Variants in ATP13A4 observed in about 807,000 individuals in gnomAD.
ATP13A4 encodes probable cation-transporting ATPase 13A4.
ATP13A4 carries 114 observed loss-of-function variants against 142.5 expected under a neutral mutation model. That is an observed-to-expected ratio of 0.80 (90% CI 0.69 to 0.93). The LOEUF (loss-of-function observed/expected upper bound fraction) is 0.93. Ranked by LOEUF, ATP13A4 falls within the 40% of genes least tolerant of loss-of-function variation. The probability of loss-of-function intolerance (pLI) is 0.00; values close to 1 mark genes in which losing one functional copy is unlikely to be tolerated. For synonymous variants in ATP13A4, 488 were observed against 514.8 expected (o/e 0.95, Z 0.70); for missense variants, 1,392 against 1,454.0 (o/e 0.96, Z 0.69).
intron 7 of ATP13A4, among the ~76,000 whole-genome samples, chr3:193,489,480 G>A (rs1345548771): frequency 6.6e-6 from 1 of 152,118 alleles, no homozygotes; most frequent in South Asian, 2.1e-4. Context: ...TTTGGATGTT[G>A]TTCTGGCTAA....
intron 21 of ATP13A4, 90 bp from the exon 22 acceptor site, chr3:193,439,155 G>A (rs2108621211): frequency 1.5e-6 from 2 of 1,325,010 alleles, no homozygotes. Context: ...TCATTACTTA[G>A]GGTTCAAACT....
chr3:193,516,656 A>G (rs896991908), intron 1 of ATP13A4, among the ~76,000 whole-genome samples: 1 of 152,194 alleles, frequency 6.6e-6, no homozygotes, highest in Non-Finnish European at 1.5e-5. Context: ...CTTCCGACTC[A>G]GCCATTTTTT....
chr3:193,500,558 A>T (rs906160718), intron 3 of ATP13A4, among the ~76,000 whole-genome samples: 1 of 152,102 alleles, frequency 6.6e-6, no homozygotes, highest in Non-Finnish European at 1.5e-5. Flanking sequence ...CGTAACCTAG[A>T]TCCCTCACAT....
rs555551734 is a variant in ATP13A4 at position 193,436,964 on chromosome 3, C to T, written c.2673-1220G>A. On this transcript the variant is annotated intron_variant, in intron 23 of 29. Transcript: ENST00000342695. ...CTAAAAATGCAAAAAATTAGCCGGG[C>T]GTGGTGGCGGGCGCCTGTAGTCCCA... is the stretch of plus-strand genomic sequence containing the variant. Among the ~76,000 whole-genome samples the T allele has an allele frequency of 2.9e-3, 426 of 148,542 alleles. 1 individual carries two copies. Among genetic ancestry groups the T allele is most frequent in the Non-Finnish European group, 4.6e-3 (309 of 67,788 alleles).
At chr3:193,577,400 C>A (rs1377672376) in intron 2 of ATP13A4, among the ~76,000 whole-genome samples, 3 of 152,176 alleles carry the variant, frequency 2.0e-5, no homozygotes, top group Non-Finnish European at 4.4e-5. Flanking sequence ...TTCTGAGATG[C>A]CTTTTCACCT....
At chr3:193,465,188 C>G (rs934124425) in intron 11 of ATP13A4, 60 bp from the exon 12 acceptor site, 2 of 1,545,686 alleles carry the variant, frequency 1.3e-6, no homozygotes, top group Non-Finnish European at 1.8e-6. Flanking sequence ...GCATATGACT[C>G]TTTGCCTTTT....
At chr3:193,480,666 T>C (rs1042970433) in intron 8 of ATP13A4, among the ~76,000 whole-genome samples, 2 of 152,196 alleles carry the variant, frequency 1.3e-5, no homozygotes, top group East Asian at 3.8e-4. Context: ...GAAACACTTT[T>C]ACACTGTTGG....
chr3:193,431,676 A>G (rs1318747815), intron 25 of ATP13A4, among the ~76,000 whole-genome samples: 1 of 151,292 alleles, frequency 6.6e-6, no homozygotes, highest in Non-Finnish European at 1.5e-5. Context: ...GTGTATGTGT[A>G]TATGTGGGTA....
At chr3:193,529,227 G>A (rs1360289617) in intron 1 of ATP13A4, among the ~76,000 whole-genome samples, 4 of 150,008 alleles carry the variant, frequency 2.7e-5, no homozygotes, top group South Asian at 2.1e-4. Flanking sequence ...CTGAGATCGC[G>A]CCACTACAAT....
intron 6 of ATP13A4, among the ~76,000 whole-genome samples, chr3:193,490,957 A>T (rs887248493): frequency 7.2e-5 from 11 of 152,176 alleles, no homozygotes; most frequent in Non-Finnish European, 1.3e-4. Flanking sequence ...TTCTTCCTAC[A>T]ATTTTAGGCA....
intron 8 of ATP13A4, among the ~76,000 whole-genome samples, 187 bp downstream of exon 8, chr3:193,483,749 C>A (rs1719440705): frequency 6.6e-6 from 1 of 152,102 alleles, no homozygotes; most frequent in Non-Finnish European, 1.5e-5. Context: ...CAGGCGTGAG[C>A]CACCGCACCC....
At chr3:193,481,268 GA>G (rs1421362311) in intron 8 of ATP13A4, among the ~76,000 whole-genome samples, 1 of 151,850 alleles carries the variant, frequency 6.6e-6, no homozygotes, top group Non-Finnish European at 1.5e-5. Flanking sequence ...TTTTAACCAG[GA>G]AAAAAACTTA....
At chr3:193,455,162 C>A (rs1263434708) in intron 16 of ATP13A4, among the ~76,000 whole-genome samples, 1 of 151,820 alleles carries the variant, frequency 6.6e-6, no homozygotes, top group Non-Finnish European at 1.5e-5. Context: ...CACGGTGAAA[C>A]CCCGTCTCTA....
At chr3:193,578,989 C>T (rs927287261) in intron 2 of ATP13A4, 1 of 207,948 alleles carries the variant, frequency 4.8e-6, no homozygotes, top group Admixed American at 4.3e-5. Flanking sequence ...TTTTCACACC[C>T]TGTGTGTAAG....
chr3:193,465,131 G>T lies in ATP13A4; in HGVS notation c.1273-3C>A. On this transcript the variant is annotated splice_polypyrimidine_tract_variant and splice_region_variant and intron_variant, in intron 11 of 29. Coordinates refer to ENST00000342695, the MANE Select transcript of ATP13A4 (RefSeq NM_032279.4). ...CTCACCACCTCCTCTGGAGGTTCCT[G>T]GACGACAGTCATTCTTTAATTATTA... The T allele has an allele frequency of 6.2e-7, 1 of 1,613,536 alleles. No individual in the cohort carries two copies. The highest frequency in any genetic ancestry group is 8.5e-7 in the Non-Finnish European group (1 of 1,179,760).
At chr3:193,527,307 A>G (rs1722058947) in intron 1 of ATP13A4, among the ~76,000 whole-genome samples, 1 of 151,960 alleles carries the variant, frequency 6.6e-6, no homozygotes, top group Admixed American at 6.6e-5. Context: ...ACGAGATCTG[A>G]TGGTTTAAAA....
At chr3:193,547,468 A>T (rs1349090088) in intron 1 of ATP13A4, among the ~76,000 whole-genome samples, 2 of 152,136 alleles carry the variant, frequency 1.3e-5, no homozygotes, top group African/African-American at 4.8e-5. Flanking sequence ...CCCCCACCTG[A>T]TTCTATAGAT....
At chr3:193,585,652 C>G (rs1029055310) in intron 1 of ATP13A4, among the ~76,000 whole-genome samples, 3 of 152,100 alleles carry the variant, frequency 2.0e-5, no homozygotes, top group Admixed American at 6.5e-5. Flanking sequence ...CTGTTAGATT[C>G]ATTCGTGTTG....
intron 3 of ATP13A4, among the ~76,000 whole-genome samples, chr3:193,494,092 G>C (rs1017992130): frequency 2.6e-5 from 4 of 151,978 alleles, no homozygotes; most frequent in African/African-American, 4.8e-5. Flanking sequence ...TAACACTCAT[G>C]TGTATGCACC....
Sources: gnomAD v4.1 joint callset for allele counts (sites outside exome capture counted in the v4.1 genomes callset) on GRCh38, gnomAD v4.1.1 for gene constraint, MANE v1.5 for transcripts, NCBI Gene and HGNC (gene_info 2026-07-23, HGNC 2026-07-21) for gene names.